Variants in BBS9 observed in about 807,000 individuals in gnomAD.
BBS9 encodes protein PTHB1.
BBS9 carries 89 observed loss-of-function variants against 117.7 expected under a neutral mutation model. That is an observed-to-expected ratio of 0.76 (90% confidence interval 0.64 to 0.90). The LOEUF (loss-of-function observed/expected upper bound fraction) is 0.90, where lower values mean the gene tolerates loss of function less well. Ranked by LOEUF, BBS9 falls within the 40% of genes least tolerant of loss-of-function variation. BBS9 has a pLI of 0.00. For synonymous variants in BBS9, 379 were observed against 370.9 expected (o/e 1.02, Z -0.25); for missense variants, 982 against 1,042.2 (o/e 0.94, Z 0.80).
chr7:33,212,103 G>A (rs1163952721), intron 5 of BBS9, among the ~76,000 whole-genome samples: 5 of 152,252 alleles, frequency 3.3e-5, no homozygotes, highest in East Asian at 3.9e-4. Flanking sequence ...GTACTTGAAT[G>A]TTGATATATT....
intron 19 of BBS9, among the ~76,000 whole-genome samples, chr7:33,472,013 A>G (rs1256312013): frequency 9.1e-6 from 1 of 110,244 alleles, no homozygotes; most frequent in Non-Finnish European, 2.2e-5. Context: ...TCTTAGGGCA[A>G]AAAAAACCCC....
intron 21 of BBS9, among the ~76,000 whole-genome samples, chr7:33,592,485 A>G (rs902055470): frequency 6.6e-6 from 1 of 152,134 alleles, no homozygotes; most frequent in African/African-American, 2.4e-5. Flanking sequence ...TTAAAATACG[A>G]CATTGTTTAA....
intron 19 of BBS9, among the ~76,000 whole-genome samples, chr7:33,468,406 A>T (rs1840492493): frequency 6.6e-6 from 1 of 152,180 alleles, no homozygotes. Flanking sequence ...TTAATATAGA[A>T]TAATTGTACA....
At chr7:33,158,939 G>C (rs1300478792) in intron 4 of BBS9, among the ~76,000 whole-genome samples, 1 of 152,126 alleles carries the variant, frequency 6.6e-6, no homozygotes, top group African/African-American at 2.4e-5. Context: ...GACAGAAAAA[G>C]GAAAGAGATG....
At chr7:33,339,394 G>A (rs190668499) in intron 10 of BBS9, among the ~76,000 whole-genome samples, 49 of 152,300 alleles carry the variant, frequency 3.2e-4, no homozygotes, top group Non-Finnish European at 6.0e-4. Flanking sequence ...ATAAAGTTGG[G>A]CTTTAAGTAA....
At chr7:33,356,930 G>T (rs1394177991) in intron 15 of BBS9, among the ~76,000 whole-genome samples, 1 of 151,752 alleles carries the variant, frequency 6.6e-6, no homozygotes, top group Admixed American at 6.6e-5. Context: ...CTATGGCACG[G>T]CATAGGCTTC....
intron 19 of BBS9, among the ~76,000 whole-genome samples, chr7:33,484,830 A>C (rs945024045): frequency 7.9e-5 from 12 of 152,248 alleles, no homozygotes; most frequent in Admixed American, 3.9e-4. Flanking sequence ...TCTGTTATAA[A>C]GATACAAGCA....
intron 9 of BBS9, among the ~76,000 whole-genome samples, chr7:33,283,206 T>G (rs1802236244): frequency 6.6e-6 from 1 of 152,216 alleles, no homozygotes; most frequent in Admixed American, 6.5e-5. Flanking sequence ...CTTTTATACC[T>G]GAAGATAACA....
chr7:33,314,073 G>A (rs2128559358), intron 9 of BBS9, among the ~76,000 whole-genome samples: 1 of 152,226 alleles, frequency 6.6e-6, no homozygotes, highest in East Asian at 1.9e-4. Flanking sequence ...TTTAAAAATA[G>A]CAAAAGTAGC....
chr7:33,333,345 G>T (rs1032980182), intron 9 of BBS9, among the ~76,000 whole-genome samples: 13 of 152,128 alleles, frequency 8.5e-5, no homozygotes, highest in Admixed American at 8.5e-4. Context: ...TTAGAATAAT[G>T]GCCTCCTGCT....
chr7:33,379,390 T>C (rs1824522538), intron 17 of BBS9, among the ~76,000 whole-genome samples: 1 of 152,212 alleles, frequency 6.6e-6, no homozygotes, highest in Non-Finnish European at 1.5e-5. Flanking sequence ...TGGAATAAAT[T>C]CCTCTCTACA....
intron 5 of BBS9, among the ~76,000 whole-genome samples, chr7:33,245,852 G>C (rs907597201): frequency 2.6e-5 from 4 of 152,104 alleles, no homozygotes; most frequent in Admixed American, 6.6e-5. Flanking sequence ...AGGACATTTA[G>C]GGCAGGGTTA....
intron 9 of BBS9, among the ~76,000 whole-genome samples, chr7:33,274,393 G>T (rs1339170227): frequency 6.6e-6 from 1 of 152,146 alleles, no homozygotes; most frequent in Non-Finnish European, 1.5e-5. Context: ...AATTGTTAAT[G>T]ATCATGTGTT....
chr7:33,173,536 C>T (rs1227489887), intron 4 of BBS9, among the ~76,000 whole-genome samples: 1 of 150,108 alleles, frequency 6.7e-6, no homozygotes, highest in African/African-American at 2.5e-5. Context: ...TGCGCCACTG[C>T]ACTCCAGCCT....
intron 9 of BBS9, among the ~76,000 whole-genome samples, chr7:33,293,937 A>G (rs775897791): frequency 6.6e-6 from 1 of 152,036 alleles, no homozygotes; most frequent in African/African-American, 2.4e-5. Flanking sequence ...TCCTAGAAAT[A>G]TTTTTATGTT....
In BBS9 at chr7:33,372,793, C is replaced by A. The variant is rs1823109044; in HGVS notation, c.1789+4931C>A. Among the ~76,000 whole-genome samples the A allele has an allele frequency of 5.3e-5, 8 of 152,190 alleles. No individual in the cohort carries two copies. The South Asian group carries it at 1.5e-3, about 28-fold the overall frequency. ...TGAAGCCCTCAAGTCCTGGGCTTTTCTTTGGTAGGAGACTTTGTATAACTG... is the reference window on the plus strand; with the variant it reads ...TGAAGCCCTCAAGTCCTGGGCTTTTATTTGGTAGGAGACTTTGTATAACTG... On this transcript the variant is annotated intron_variant, in intron 17 of 22. Transcript: ENST00000242067.
At chr7:33,550,598 C>A (rs1423542731) in intron 21 of BBS9, among the ~76,000 whole-genome samples, 1 of 151,926 alleles carries the variant, frequency 6.6e-6, no homozygotes, top group Non-Finnish European at 1.5e-5. Context: ...TTAGAACTGT[C>A]ATGCTGAATG....
chr7:33,181,754 A>G (rs1163917417), intron 5 of BBS9, among the ~76,000 whole-genome samples: 1 of 152,188 alleles, frequency 6.6e-6, no homozygotes, highest in Non-Finnish European at 1.5e-5. Context: ...ACCTTCCACA[A>G]CTTGTTCAAA....
At chr7:33,551,922 T>C (rs1430271962) in intron 21 of BBS9, among the ~76,000 whole-genome samples, 1 of 152,098 alleles carries the variant, frequency 6.6e-6, no homozygotes, top group Non-Finnish European at 1.5e-5. Context: ...TATAATATAA[T>C]ATTATAGTTT....
Sources: allele counts gnomAD v4.1 joint callset (sites outside exome capture counted in the v4.1 genomes callset), GRCh38; gene constraint gnomAD v4.1.1; transcripts MANE v1.5; gene names NCBI Gene and HGNC (gene_info 2026-07-23, HGNC 2026-07-21).